Variants in HPSE2 observed in about 807,000 individuals in gnomAD.
HPSE2 encodes the protein inactive heparanase-2.
HPSE2 carries 38 observed loss-of-function variants against 60.5 expected under a neutral mutation model. That is an observed-to-expected ratio of 0.63 (90% confidence interval 0.48 to 0.82). The LOEUF (loss-of-function observed/expected upper bound fraction) is 0.82, where lower values mean the gene tolerates loss of function less well. HPSE2 is among the 40% of genes least tolerant of loss of function. The pLI, the probability that HPSE2 is intolerant of heterozygous loss-of-function variation, is 0.00. For missense variants in HPSE2, 713 were observed against 740.4 expected (o/e 0.96, Z 0.43); for synonymous variants, 295 against 293.2 (o/e 1.01, Z -0.06).
At chr10:98,521,642 C>T (rs1176317058) in intron 9 of HPSE2, among the ~76,000 whole-genome samples, 3 of 151,992 alleles carry the variant, frequency 2.0e-5, no homozygotes, top group Non-Finnish European at 4.4e-5. Context: ...GGGTATATAC[C>T]CAAAGGATTA....
intron 3 of HPSE2, among the ~76,000 whole-genome samples, chr10:99,100,750 G>A (rs997398012): frequency 2.6e-5 from 4 of 152,106 alleles, no homozygotes; most frequent in African/African-American, 4.8e-5. Flanking sequence ...GAGAAAGGTC[G>A]GGTTACCCTC....
intron 3 of HPSE2, among the ~76,000 whole-genome samples, chr10:98,970,057 G>T (rs1955912772): frequency 6.6e-6 from 1 of 151,930 alleles, no homozygotes; most frequent in South Asian, 2.1e-4. Flanking sequence ...TGCCTCCCAG[G>T]TTCAAGCGAT....
In HPSE2 at chr10:98,483,833, T is replaced by C. The variant is rs140749708; in HGVS notation, c.1467-1051A>G. Among the ~76,000 whole-genome samples the C allele has an allele frequency of 1.4e-3, 212 of 152,368 alleles. 2 individuals are homozygous for C. The highest frequency in any genetic ancestry group is 3.3e-3 in the Admixed American group (51 of 15,310). ...AGTAGTGTGAATGAGAAATAAATTT[T>C]CTTATTGAAAGCCTTGGAGATTTGG... On this transcript the variant is annotated intron_variant, in intron 10 of 11. Coordinates refer to ENST00000370552, the MANE Select transcript of HPSE2 (RefSeq NM_021828.5).
intron 7 of HPSE2, among the ~76,000 whole-genome samples, chr10:98,626,116 AAGAAAAAG>A (rs1565027395): frequency 3.3e-5 from 3 of 91,376 alleles, no homozygotes; most frequent in Non-Finnish European, 2.4e-5. Flanking sequence ...AAAAAAAAAA[AAGAAAAAG>A]AAAAAAGAAA....
chr10:98,994,220 C>A (rs934674852), intron 3 of HPSE2, among the ~76,000 whole-genome samples: 1 of 152,214 alleles, frequency 6.6e-6, no homozygotes, highest in African/African-American at 2.4e-5. Context: ...GGTGCACCTC[C>A]TTTCAGTTAA....
At chr10:99,099,850 G>T (rs1843877973) in intron 3 of HPSE2, among the ~76,000 whole-genome samples, 1 of 152,158 alleles carries the variant, frequency 6.6e-6, no homozygotes, top group Non-Finnish European at 1.5e-5. Flanking sequence ...TCACCGTTCT[G>T]CAGCCTCCAC....
chr10:99,159,921 A>G (rs1021560256), intron 2 of HPSE2, among the ~76,000 whole-genome samples: 2 of 152,134 alleles, frequency 1.3e-5, no homozygotes, highest in African/African-American at 4.8e-5. Flanking sequence ...TGGGCGGATC[A>G]CTTGAAGCCA....
At chr10:98,976,026 T>G (rs1055285084) in intron 3 of HPSE2, among the ~76,000 whole-genome samples, 6 of 152,162 alleles carry the variant, frequency 3.9e-5, no homozygotes, top group African/African-American at 1.4e-4. Flanking sequence ...CATTTTTCCT[T>G]AAAAACTCTT....
intron 9 of HPSE2, among the ~76,000 whole-genome samples, chr10:98,564,546 G>T (rs1944283393): frequency 6.6e-6 from 1 of 152,078 alleles, no homozygotes; most frequent in African/African-American, 2.4e-5. Context: ...AGAATTTTGT[G>T]GCTGCAAACT....
intron 3 of HPSE2, among the ~76,000 whole-genome samples, chr10:98,929,695 G>A (rs191527037): frequency 2.1e-5 from 3 of 143,832 alleles, no homozygotes; most frequent in East Asian, 2.0e-4. Context: ...CTTCTATTTC[G>A]ATAAAGAAAG....
rs1954769409 is a variant in HPSE2 at position 98,935,724 on chromosome 10, A to G, written c.611-191668T>C. On this transcript the variant is annotated intron_variant, in intron 3 of 11. Coordinates refer to ENST00000370552, the MANE Select transcript of HPSE2 (RefSeq NM_021828.5). ...GCTCTCCTATATAAGGCATCTGCCA[A>G]CCACTGTTGGGAGGTCTCACCCAGA... Among the ~76,000 whole-genome samples, 2 of 144,344 alleles carry G rather than the reference A, an allele frequency of 1.4e-5. 1 individual carries two copies. The highest frequency in any genetic ancestry group is 1.4e-4 in the Admixed American group (2 of 14,524). 94.7% of individuals were successfully genotyped at this position (144,344 alleles called of 152,430 possible).
At chr10:99,102,436 A>C (rs1282811146) in intron 3 of HPSE2, among the ~76,000 whole-genome samples, 1 of 152,338 alleles carries the variant, frequency 6.6e-6, no homozygotes, top group Admixed American at 6.5e-5. Flanking sequence ...AACCAGGAAG[A>C]AGTTGAATCC....
chr10:98,896,504 G>A (rs773676840), intron 3 of HPSE2, among the ~76,000 whole-genome samples: 18 of 152,100 alleles, frequency 1.2e-4, no homozygotes, highest in Non-Finnish European at 2.1e-4. Context: ...CATGGTTTAA[G>A]AGAAATTTTT....
chr10:98,868,630 A>T (rs1452240344), intron 3 of HPSE2, among the ~76,000 whole-genome samples: 1 of 152,170 alleles, frequency 6.6e-6, no homozygotes, highest in Non-Finnish European at 1.5e-5. Flanking sequence ...ATGTACACCT[A>T]CTATGTATCT....
At chr10:98,483,193 A>ATTT (rs1303912622) in intron 10 of HPSE2, among the ~76,000 whole-genome samples, 32 of 152,182 alleles carry the variant, frequency 2.1e-4, no homozygotes, top group African/African-American at 7.2e-4. Context: ...AGTATTTTTT[A>ATTT]GTTTATTAAT....
the HPSE2 span, among the ~76,000 whole-genome samples, chr10:99,271,273 AG>A: frequency 6.6e-6 from 1 of 152,250 alleles, no homozygotes; most frequent in Admixed American, 6.5e-5. Flanking sequence ...GAGCTAGTAA[AG>A]GAATTCAGCA....
At chr10:99,123,057 G>T (rs902189253) in intron 3 of HPSE2, among the ~76,000 whole-genome samples, 1 of 152,052 alleles carries the variant, frequency 6.6e-6, no homozygotes, top group Non-Finnish European at 1.5e-5. Context: ...AGACAAAGCT[G>T]GCTAGTCATT....
At chr10:98,557,140 G>A (rs944935511) in intron 9 of HPSE2, among the ~76,000 whole-genome samples, 3 of 152,196 alleles carry the variant, frequency 2.0e-5, no homozygotes, top group South Asian at 4.2e-4. Context: ...ATGAACCCGG[G>A]AGGTGGAGCT....
the HPSE2 span, among the ~76,000 whole-genome samples, chr10:99,243,136 G>A: frequency 6.6e-6 from 1 of 151,906 alleles, no homozygotes; most frequent in East Asian, 1.9e-4. Flanking sequence ...GGCGGATCAC[G>A]AGGTCAGGGA....
Sources: allele counts gnomAD v4.1 joint callset (sites outside exome capture counted in the v4.1 genomes callset), GRCh38; gene constraint gnomAD v4.1.1; transcripts MANE v1.5; gene names NCBI Gene and HGNC (gene_info 2026-07-23, HGNC 2026-07-21).